RRP12: variants seen among roughly 807,000 people sequenced by gnomAD.
RRP12 encodes the protein ribosomal RNA processing 12 homolog.
A neutral mutation model predicts 157.3 loss-of-function variants in RRP12; 78 were observed. The ratio of observed to expected loss-of-function variants is 0.50; its 90% CI spans 0.41 to 0.60. RRP12 has a LOEUF of 0.60. Ranked by LOEUF, RRP12 falls within the 20% of genes least tolerant of loss-of-function variation. RRP12 has a pLI of 0.00. For missense variants in RRP12, 1,521 were observed against 1,679.9 expected (o/e 0.91, Z 1.65); for synonymous variants, 726 against 670.9 (o/e 1.08, Z -1.27).
intron 15 of RRP12, among the ~76,000 whole-genome samples, chr10:97,377,208 ACT>A (rs1844333919): frequency 6.6e-6 from 1 of 151,266 alleles, no homozygotes; most frequent in Non-Finnish European, 1.5e-5. Context: ...TATCACAATA[ACT>A]CTGTCATTAA....
chr10:97,397,992 CGT>C (rs1491269588), intron 2 of RRP12, among the ~76,000 whole-genome samples: 16 of 42,784 alleles, frequency 3.7e-4, no homozygotes, highest in African/African-American at 1.2e-3. Context: ...AAAAAAAATA[CGT>C]ATATATATAT....
intron 10 of RRP12, 53 bp from the exon 11 acceptor site, chr10:97,381,879 G>T: frequency 7.5e-7 from 1 of 1,340,466 alleles, no homozygotes; most frequent in Non-Finnish European, 1.1e-6. Context: ...GGGGACCCGG[G>T]CAACCAGGGC....
intron 29 of RRP12, among the ~76,000 whole-genome samples, chr10:97,364,305 T>G (rs2135003800): frequency 6.6e-6 from 1 of 152,286 alleles, no homozygotes; most frequent in Middle Eastern, 3.4e-3. Flanking sequence ...TTCTCCTGTT[T>G]GAAATCTCTG....
chr10:97,388,550 G>C lies in RRP12; in HGVS notation c.828C>G (p.Ala276=), dbSNP rs1200644199. The change falls in exon 7 of 34, where the codon GCC becomes GCG. Residue 276 remains alanine, a synonymous_variant. Coordinates refer to ENST00000370992, the MANE Select transcript of RRP12 (RefSeq NM_015179.4). Reference sequence around the variant, plus strand: ...CAGTGGAAATGGCAGCAGGATGATGGGCAGGGGCCTTTTCAAACATGAATT... The same window carrying C: ...CAGTGGAAATGGCAGCAGGATGATGCGCAGGGGCCTTTTCAAACATGAATT... ...GSEFMFEKAP[A]HHPAAISTAK... The C allele has an allele frequency of 1.2e-6, 2 of 1,614,186 alleles. No homozygotes were observed. Among genetic ancestry groups the C allele is most frequent in the Non-Finnish European group, 1.7e-6 (2 of 1,180,036 alleles).
At position 97,373,878 on chromosome 10, in the gene RRP12, C is replaced by T. The variant is rs1347728471; in HGVS notation, c.1815G>A (p.Gln605=). The part of the protein sequence containing the change: ...TLKSKAMDLA[Q]AGSTVESKIY... ...TCTTAGATTCCACTGTGCTGCCTGC[C>T]TGAGCCAGGTCCATGGCTGCAGTGT... is the stretch of plus-strand genomic sequence containing the variant. The change falls in exon 16 of 34, where the codon CAG becomes CAA. Residue 605 remains glutamine (Q), a synonymous_variant. Coordinates refer to ENST00000370992, the MANE Select transcript of RRP12 (RefSeq NM_015179.4). The T allele has an allele frequency of 2.5e-6, 4 of 1,613,492 alleles. No individual in the cohort carries two copies. Among genetic ancestry groups the T allele is most frequent in the Non-Finnish European group, 3.4e-6 (4 of 1,179,912 alleles).
At chr10:97,377,138 C>T (rs561600106) in intron 15 of RRP12, among the ~76,000 whole-genome samples, 2 of 152,148 alleles carry the variant, frequency 1.3e-5, no homozygotes, top group South Asian at 4.1e-4. Flanking sequence ...CCTCGGCCTC[C>T]CCGAGTGCTA....
chr10:97,385,838 G>A, intron 9 of RRP12, 57 bp downstream of exon 9: 1 of 1,294,382 alleles, frequency 7.7e-7, no homozygotes, highest in Non-Finnish European at 1.1e-6. Context: ...CCCCAGCACA[G>A]CCTCCCAAGG....
At chr10:97,377,837 T>C (rs577699122) in intron 15 of RRP12, among the ~76,000 whole-genome samples, 1 of 144,420 alleles carries the variant, frequency 6.9e-6, no homozygotes, top group Admixed American at 6.9e-5. Flanking sequence ...AGAGCAAGAC[T>C]TCATCTCAAA....
intron 29 of RRP12, among the ~76,000 whole-genome samples, chr10:97,364,829 C>T (rs1287021796): frequency 6.6e-6 from 1 of 152,018 alleles, no homozygotes; most frequent in Non-Finnish European, 1.5e-5. Flanking sequence ...ACAAAAGGAG[C>T]TTTGAGCTGA....
At chr10:97,369,067 C>A (rs1046951053) in intron 25 of RRP12, among the ~76,000 whole-genome samples, 2 of 151,380 alleles carry the variant, frequency 1.3e-5, no homozygotes, top group African/African-American at 4.8e-5. Flanking sequence ...AAAAAAAAGG[C>A]AAGATGAGGG....
chr10:97,393,943 T>C (rs1844883672), intron 3 of RRP12, among the ~76,000 whole-genome samples, 183 bp from the exon 4 acceptor site: 1 of 152,194 alleles, frequency 6.6e-6, no homozygotes, highest in Admixed American at 6.5e-5. Context: ...TGTGACTCAG[T>C]TTCTTCATTT....
intron 29 of RRP12, among the ~76,000 whole-genome samples, chr10:97,364,923 G>A (rs1217146767): frequency 6.6e-6 from 1 of 152,114 alleles, no homozygotes; most frequent in African/African-American, 2.4e-5. Context: ...GCACCAAGGG[G>A]GACAGGAGAT....
chr10:97,385,980 C>A lies in RRP12; in HGVS notation c.1031G>T (p.Cys344Phe), dbSNP rs140739370. Residue 344 changes from cysteine to phenylalanine, a missense_variant, in exon 9 of 34, where the codon TGT (cysteine) becomes TTT (phenylalanine). Cys to Phe is a radical substitution (Grantham distance 205). Coordinates refer to ENST00000370992, the MANE Select transcript of RRP12 (RefSeq NM_015179.4). ...GAGGCTGTGAAAGGCCTGCATGGCA[C>A]AGGCTGTCACCAGCTGGAGGGGGAC... is the stretch of plus-strand genomic sequence containing the variant. The part of the protein sequence containing the change: ...MTLSHVLVTA[C>F]AMQAFHSLFH... 1.1e-4 allele frequency: 178 copies of A among 1,596,622 alleles called. No individual in the cohort carries two copies. The highest frequency in any genetic ancestry group is 1.4e-4 in the Non-Finnish European group (160 of 1,171,632).
chr10:97,366,138 T>TGCC lies in RRP12; in HGVS notation c.3484_3486dup (p.Gly1162dup). 6.2e-7 allele frequency: 1 copy of TGCC among 1,605,102 alleles called. No homozygotes were observed. On this transcript the variant is annotated inframe_insertion, in exon 29 of 34. Transcript: ENST00000370992. ...GCACCTTCCTCTTCCTCCATCTTGT[T>TGCC]GCCGTCTGCCTCCTCCCTTATGATC... is the stretch of plus-strand genomic sequence containing the variant.
chr10:97,387,897 G>A lies in RRP12; in HGVS notation c.1017+355C>T, dbSNP rs1470256438. The A allele has an allele frequency of 1.3e-4, 23 of 177,936 alleles. 1 individual carries two copies. The highest frequency in any genetic ancestry group is 6.6e-4 in the Admixed American group (9 of 13,574). 11.0% of individuals were successfully genotyped at this position (177,936 alleles called of 1,614,324 possible). A position where few individuals can be genotyped will look rare whatever the true frequency, so the allele number is the denominator to read the frequency against. On this transcript the variant is annotated intron_variant, in intron 8 of 33. Coordinates refer to ENST00000370992, the MANE Select transcript of RRP12 (RefSeq NM_015179.4). ...CCAGAGGTTGCAGTGAGCCAAGATCGCGCCATTGCACTCCAGCTGTGCAAC... is the reference window on the plus strand; with the variant it reads ...CCAGAGGTTGCAGTGAGCCAAGATCACGCCATTGCACTCCAGCTGTGCAAC...
Position 97,373,668 on chromosome 10 carries a change from G to A in RRP12, c.1933C>T (p.Arg645Trp), listed in dbSNP as rs374610508. 41 of 1,613,772 alleles carry A rather than the reference G, an allele frequency of 2.5e-5. No homozygotes were observed. The highest frequency in any genetic ancestry group is 6.7e-5 in the East Asian group (3 of 44,886). ...DVAISFKGLA[R>W]TLGMAISERP... Reference sequence around the variant, plus strand: ...TCGCTGATGGCCATGCCCAGCGTCCGTGCCAGCCCTTTGAAGGAGATGGCC... The same window carrying A: ...TCGCTGATGGCCATGCCCAGCGTCCATGCCAGCCCTTTGAAGGAGATGGCC... Residue 645 changes from arginine (R) to tryptophan (W), a missense_variant, in exon 17 of 34, where the codon CGG (arginine) becomes TGG (tryptophan). Physicochemically the swap from Arg to Trp is moderately radical, Grantham distance 101 (BLOSUM62 -3). Transcript: ENST00000370992.
intron 15 of RRP12, among the ~76,000 whole-genome samples, chr10:97,376,266 G>A (rs1844304747): frequency 7.1e-6 from 1 of 140,548 alleles, no homozygotes; most frequent in Non-Finnish European, 1.5e-5. Context: ...CCAGGCTGGA[G>A]TGCAGTGGTG....
In RRP12 at chr10:97,370,807, AG is replaced by A; in HGVS notation, c.2503-12del. 6.2e-7 allele frequency: 1 copy of A among 1,613,340 alleles called. No homozygotes were observed. The highest frequency in any genetic ancestry group is 8.5e-7 in the Non-Finnish European group (1 of 1,179,542). ...GCACTTCAAACGGGGCTGTGGGCAA[AG>A]GGCTACCAGTCAGGACCCCTCAATG... On this transcript the variant is annotated splice_polypyrimidine_tract_variant and intron_variant, in intron 21 of 33. Coordinates refer to ENST00000370992, the MANE Select transcript of RRP12 (RefSeq NM_015179.4).
chr10:97,368,947 G>A (rs993012377), intron 25 of RRP12, among the ~76,000 whole-genome samples: 1 of 152,240 alleles, frequency 6.6e-6, no homozygotes, highest in Non-Finnish European at 1.5e-5. Context: ...TCTTGGGCAG[G>A]AGAGGGCCAG....
Sources: allele counts gnomAD v4.1 joint callset (sites outside exome capture counted in the v4.1 genomes callset), GRCh38; gene constraint gnomAD v4.1.1; transcripts MANE v1.5; gene names NCBI Gene and HGNC (gene_info 2026-07-23, HGNC 2026-07-21).